Variants in JADE1 observed in about 807,000 individuals in gnomAD.
The protein encoded by JADE1 is protein Jade-1.
A neutral mutation model predicts 81.8 loss-of-function variants in JADE1; 14 were observed. That is an observed-to-expected ratio of 0.17 (90% confidence interval 0.11 to 0.27). The LOEUF (loss-of-function observed/expected upper bound fraction) is 0.27. JADE1 is among the 10% of genes least tolerant of loss of function. The pLI, the probability that JADE1 is intolerant of heterozygous loss-of-function variation, is 1.00. For synonymous variants in JADE1, 353 were observed against 391.9 expected, an observed-to-expected ratio of 0.90 and a Z score of 1.17; for missense variants, 690 against 1,047.9, an observed-to-expected ratio of 0.66 and a Z score of 4.71.
At chr4:128,844,437 AGGG>A (rs1364456919) in intron 3 of JADE1, among the ~76,000 whole-genome samples, 6 of 152,176 alleles carry the variant, frequency 3.9e-5, no homozygotes, top group African/African-American at 1.4e-4. Context: ...CGTCCATTTG[AGGG>A]CCTTTGTTTC....
Position 128,867,902 on chromosome 4 carries a change from G to A in JADE1, c.1550G>A (p.Arg517Gln), listed in dbSNP as rs772640551. The A allele has an allele frequency of 2.5e-6, 4 of 1,613,706 alleles. No individual in the cohort carries two copies. The highest frequency in any genetic ancestry group is 2.2e-5 in the East Asian group (1 of 44,858). Residue 517 changes from arginine (R) to glutamine (Q), a missense_variant, in exon 10 of 11, where the codon CGG becomes CAG. This residue lies in a region of JADE1 where 86 missense variants were observed against 95.4 expected (regional missense o/e 0.90). Transcript: ENST00000226319. Reference sequence around the variant, plus strand: ...GTGACCCGCAGGGAAAAGATTAAACGGTCTGTGTGCAAAGTCCAGGAACAG... The same window carrying A: ...GTGACCCGCAGGGAAAAGATTAAACAGTCTGTGTGCAAAGTCCAGGAACAG... ...YMVTRREKIK[R>Q]SVCKVQEQIF...
chr4:128,866,949 T>G (rs1034969160), intron 9 of JADE1, among the ~76,000 whole-genome samples: 2 of 152,144 alleles, frequency 1.3e-5, no homozygotes, highest in African/African-American at 4.8e-5. Context: ...TTAGGGGAGT[T>G]TAGAGACTAA....
In JADE1 at chr4:128,871,707, A is replaced by G. The variant is rs1455171238; in HGVS notation, c.1974A>G (p.Lys658=). 1.2e-6 allele frequency: 2 copies of G among 1,614,078 alleles called. No individual in the cohort carries two copies. The highest frequency in any genetic ancestry group is 1.7e-5 in the Admixed American group (1 of 60,006). The change falls in exon 11 of 11, where the codon AAA becomes AAG. Residue 658 remains lysine, a synonymous_variant. Coordinates refer to ENST00000226319, the MANE Select transcript of JADE1 (RefSeq NM_199320.4). The surrounding 1 kb of genome is among the most constrained non-coding windows in gnomAD (Gnocchi z 4.1). ...KNGVVMPDHG[K]RRDNRFHCDL... ...GTGTGGTGATGCCAGACCATGGGAA[A>G]AGAAGAGACAATCGTTTTCATTGTG...
chr4:128,871,659 C>A lies in JADE1; in HGVS notation c.1926C>A (p.Leu642=), dbSNP rs113678655. ...GLEKTFAEAR[L]ISAQQKNGVV... ...AAAAGACCTTTGCAGAAGCACGTCT[C>A]ATATCAGCACAACAGAAAAATGGTG... Residue 642 remains leucine, a synonymous_variant, in exon 11 of 11, where the codon CTC becomes CTA. Coordinates refer to ENST00000226319, the MANE Select transcript of JADE1 (RefSeq NM_199320.4). The surrounding 1 kb of genome is among the most constrained non-coding windows in gnomAD (Gnocchi z 4.1). The A allele has an allele frequency of 6.2e-7, 1 of 1,614,152 alleles. No individual in the cohort carries two copies. The highest frequency in any genetic ancestry group is 1.1e-5 in the South Asian group (1 of 91,070).
intron 4 of JADE1, among the ~76,000 whole-genome samples, chr4:128,847,974 TTGCACA>T (rs1176752797): frequency 2.0e-5 from 3 of 152,130 alleles, no homozygotes; most frequent in Non-Finnish European, 2.9e-5. Context: ...TGATTTGCTC[TTGCACA>T]TGCAGTCTTA....
rs1732328630 is a variant in JADE1 at position 128,873,262 on chromosome 4, A to G, written c.*1000A>G. Reference sequence around the variant, plus strand: ...TGGATTCCTTAAGAAAAAGGAAAAAAAAAAAAAAAAGAAAAAAAGAAAAAA... The same window carrying G: ...TGGATTCCTTAAGAAAAAGGAAAAAGAAAAAAAAAAGAAAAAAAGAAAAAA... On this transcript the variant is annotated 3_prime_UTR_variant, in exon 11 of 11. Coordinates refer to ENST00000226319, the MANE Select transcript of JADE1 (RefSeq NM_199320.4). The G allele has an allele frequency of 6.7e-6, 1 of 149,696 alleles. No homozygotes were observed. The highest frequency in any genetic ancestry group is 1.9e-4 in the East Asian group (1 of 5,152). 9.3% of individuals were successfully genotyped at this position (149,696 alleles called of 1,614,324 possible). A position where few individuals can be genotyped will look rare whatever the true frequency, so the allele number is the denominator to read the frequency against.
At position 128,852,125 on chromosome 4, in the gene JADE1, A is replaced by G. The variant is rs1730407148; in HGVS notation, c.553A>G (p.Asn185Asp). 1 of 1,614,076 alleles carries G rather than the reference A, an allele frequency of 6.2e-7. No homozygotes were observed. Among genetic ancestry groups the G allele is most frequent in the African/African-American group, 1.3e-5 (1 of 74,928 alleles). Reference sequence around the variant, plus strand: ...GGAATTTGAGCAGCGATGCTACGACAATATGAATCATGCCATAGAGACTGA... The same window carrying G: ...GGAATTTGAGCAGCGATGCTACGACGATATGAATCATGCCATAGAGACTGA... ...LEEFEQRCYD[N>D]MNHAIETEEG... is the part of the protein sequence containing the mutation. Residue 185 changes from asparagine to aspartate, a missense_variant, in exon 6 of 11, where the codon AAT becomes GAT. Coordinates refer to ENST00000226319, the MANE Select transcript of JADE1 (RefSeq NM_199320.4).
intron 4 of JADE1, among the ~76,000 whole-genome samples, chr4:128,847,873 T>C (rs1476917229): frequency 6.6e-6 from 1 of 152,238 alleles, no homozygotes; most frequent in Non-Finnish European, 1.5e-5. Context: ...GACAGTAATT[T>C]AAACTGTGGA....
At chr4:128,862,733 C>G (rs1425993437) in intron 9 of JADE1, 18 of 1,003,246 alleles carry the variant, frequency 1.8e-5, no homozygotes, top group Middle Eastern at 5.2e-4. Flanking sequence ...GCTCACTGGC[C>G]CCCACTTTGT....
chr4:128,857,305 AG>A, intron 7 of JADE1, 32 bp from the exon 8 acceptor site: 1 of 1,538,138 alleles, frequency 6.5e-7, no homozygotes, highest in Non-Finnish European at 9.0e-7. Flanking sequence ...TGACGACCTG[AG>A]CCACCCTGTC....
At chr4:128,845,800 G>A (rs1729822100) in intron 3 of JADE1, among the ~76,000 whole-genome samples, 1 of 152,062 alleles carries the variant, frequency 6.6e-6, no homozygotes, top group Non-Finnish European at 1.5e-5. Flanking sequence ...GCGTGCACCT[G>A]TAATCTCAGC....
Position 128,867,907 on chromosome 4 carries a change from G to A in JADE1, c.1555G>A (p.Val519Met), listed in dbSNP as rs769373030. The stretch of plus-strand genomic sequence containing the variant: ...CCGCAGGGAAAAGATTAAACGGTCT[G>A]TGTGCAAAGTCCAGGAACAGATATT... ...VTRREKIKRSVCKVQEQIFNL... is the reference protein window; with the variant it reads ...VTRREKIKRSMCKVQEQIFNL... Residue 519 changes from valine (V) to methionine (M), a missense_variant, in exon 10 of 11, where the codon GTG (valine) becomes ATG (methionine). Val to Met is a conservative substitution (Grantham distance 21). Around this residue, in one of 8 missense-constraint regions of JADE1, gnomAD observed 86 missense variants for 95.4 expected, o/e 0.90. Transcript: ENST00000226319. 6.2e-7 allele frequency: 1 copy of A among 1,613,972 alleles called. No individual in the cohort carries two copies. The highest frequency in any genetic ancestry group is 8.5e-7 in the Non-Finnish European group (1 of 1,179,880).
Position 128,846,904 on chromosome 4 carries a change from C to T in JADE1, c.296+372C>T, listed in dbSNP as rs567397790. ...TCCGTATTCGCTCTGGAGAGTGGCTCTCCTGGAGAGAAGCATCTGGCTTTG... is the reference window on the plus strand; with the variant it reads ...TCCGTATTCGCTCTGGAGAGTGGCTTTCCTGGAGAGAAGCATCTGGCTTTG... On this transcript the variant is annotated intron_variant, in intron 4 of 10. Transcript: ENST00000226319. The surrounding 1 kb of genome is among the most constrained non-coding windows in gnomAD (Gnocchi z 4.0). Among the ~76,000 whole-genome samples, 2 of 152,158 alleles carry T rather than the reference C, an allele frequency of 1.3e-5. No homozygotes were observed. The highest frequency in any genetic ancestry group is 4.8e-5 in the African/African-American group (2 of 41,424).
chr4:128,863,621 G>T (rs1202098935), intron 9 of JADE1: 1 of 985,358 alleles, frequency 1.0e-6, no homozygotes, highest in Non-Finnish European at 1.2e-6. Context: ...CCTGGAAGAG[G>T]CAGGATCCTG....
At chr4:128,813,083 TAGAG>T (rs1266999176) in intron 1 of JADE1, among the ~76,000 whole-genome samples, 1 of 152,232 alleles carries the variant, frequency 6.6e-6, no homozygotes, top group Non-Finnish European at 1.5e-5. Context: ...AGTTTTAAGA[TAGAG>T]GGAAATTATT....
chr4:128,851,315 C>G (rs1730336589), intron 5 of JADE1, among the ~76,000 whole-genome samples: 1 of 152,102 alleles, frequency 6.6e-6, no homozygotes, highest in Admixed American at 6.5e-5. Context: ...TTTGAGTGCC[C>G]AAAGTGAAAT....
At chr4:128,811,359 G>A (rs1322052372) in intron 1 of JADE1, 1 of 152,148 alleles carries the variant, frequency 6.6e-6, no homozygotes, top group Non-Finnish European at 1.5e-5. Context: ...CTCAACTTCC[G>A]CGGGCGTTTA....
chr4:128,851,547 G>C (rs1331704329), intron 5 of JADE1, among the ~76,000 whole-genome samples: 1 of 152,118 alleles, frequency 6.6e-6, no homozygotes, highest in Non-Finnish European at 1.5e-5. Flanking sequence ...TTCACTACCT[G>C]ACCATAGGAA....
intron 2 of JADE1, among the ~76,000 whole-genome samples, chr4:128,840,489 C>T (rs1342790096): frequency 6.6e-6 from 1 of 152,214 alleles, no homozygotes; most frequent in Admixed American, 6.5e-5. Flanking sequence ...TTCTGCTTCT[C>T]TTCCCTTCCC....
Sources: allele counts gnomAD v4.1 joint callset (sites outside exome capture counted in the v4.1 genomes callset), GRCh38; gene constraint gnomAD v4.1.1; regional missense constraint gnomAD v4.1.1; non-coding constraint Gnocchi (gnomAD v3.1); transcripts MANE v1.5; gene names NCBI Gene and HGNC (gene_info 2026-07-23, HGNC 2026-07-21).